LRRIQ3: variants seen among roughly 807,000 people sequenced by gnomAD.
LRRIQ3 encodes the protein leucine-rich repeat and IQ domain-containing protein 3.
In LRRIQ3, 75 loss-of-function variants were observed where a neutral mutation model predicts 59.3. That is an observed-to-expected ratio of 1.26 (90% CI 1.05 to 1.53). The LOEUF (loss-of-function observed/expected upper bound fraction) is 1.53, where lower values mean the gene tolerates loss of function less well. Ranked by LOEUF, LRRIQ3 falls within the 40% of genes most tolerant of loss-of-function variation. The probability of loss-of-function intolerance (pLI) is 0.00; values close to 1 mark genes in which losing one functional copy is unlikely to be tolerated. For synonymous variants in LRRIQ3, 250 were observed against 231.3 expected (o/e 1.08, Z -0.73); for missense variants, 831 against 710.0 (o/e 1.17, Z -1.94).
chr1:74,177,516 A>C (rs1448202334), intron 3 of LRRIQ3, among the ~76,000 whole-genome samples: 1 of 152,166 alleles, frequency 6.6e-6, no homozygotes, highest in Admixed American at 6.6e-5. Flanking sequence ...CAGGAAAATG[A>C]AGAATTTACC....
chr1:74,180,817 A>G (rs1474349795), intron 3 of LRRIQ3: 1 of 1,547,508 alleles, frequency 6.5e-7, no homozygotes, highest in Non-Finnish European at 8.7e-7. Flanking sequence ...GGAAACAATG[A>G]GGAATAAATA....
intron 5 of LRRIQ3, among the ~76,000 whole-genome samples, chr1:74,087,697 C>T (rs533658363): frequency 2.9e-4 from 44 of 152,090 alleles, no homozygotes; most frequent in East Asian, 5.8e-4. Flanking sequence ...TACCTATCTA[C>T]GGACCTTTAA....
intron 6 of LRRIQ3, among the ~76,000 whole-genome samples, chr1:74,064,500 G>T (rs1412431085): frequency 9.2e-5 from 14 of 151,922 alleles, no homozygotes; most frequent in African/African-American, 3.4e-4. Flanking sequence ...ACCTTTATTA[G>T]CACTCTGTTT....
At chr1:74,067,842 T>C (rs771867367) in intron 6 of LRRIQ3, among the ~76,000 whole-genome samples, 4 of 152,248 alleles carry the variant, frequency 2.6e-5, no homozygotes, top group Non-Finnish European at 5.9e-5. Context: ...TACTATTTGT[T>C]ATTTAGAAGC....
intron 1 of LRRIQ3, among the ~76,000 whole-genome samples, chr1:74,185,398 G>A (rs995190417): frequency 6.6e-6 from 1 of 152,080 alleles, no homozygotes; most frequent in Non-Finnish European, 1.5e-5. Flanking sequence ...AATATATGAT[G>A]TTGAGCATCT....
At chr1:74,067,628 C>A (rs12068778) in intron 6 of LRRIQ3, among the ~76,000 whole-genome samples, 1 of 151,984 alleles carries the variant, frequency 6.6e-6, no homozygotes, top group Admixed American at 6.6e-5. Flanking sequence ...AGTAAAAATT[C>A]TTTTGGAGTC....
At chr1:74,030,808 A>G (rs1485917136) in intron 7 of LRRIQ3, among the ~76,000 whole-genome samples, 1 of 152,198 alleles carries the variant, frequency 6.6e-6, no homozygotes, top group Non-Finnish European at 1.5e-5. Context: ...AGAAACTACC[A>G]TCAGAATGAA....
intron 7 of LRRIQ3, among the ~76,000 whole-genome samples, chr1:74,038,178 A>C (rs1390412487): frequency 6.6e-6 from 1 of 152,112 alleles, no homozygotes. Flanking sequence ...ACAGCCCAAC[A>C]CACCGGCTGT....
intron 1 of LRRIQ3, among the ~76,000 whole-genome samples, chr1:74,192,028 T>C (rs1401515420): frequency 4.6e-5 from 7 of 152,206 alleles, no homozygotes; most frequent in Admixed American, 4.6e-4. Context: ...TAAAGATCTA[T>C]AGTCTCTATA....
Position 74,031,194 on chromosome 1 carries a change from G to C in LRRIQ3, c.1719-4225C>G, listed in dbSNP as rs549869201. On this transcript the variant is annotated intron_variant, in intron 7 of 7. Coordinates refer to ENST00000354431, the MANE Select transcript of LRRIQ3 (RefSeq NM_001105659.2). ...GTAGACTAGTTCCACCATTGTGGAA[G>C]ACAGTGTGGCAATTCCTCAGGGATC... Among the ~76,000 whole-genome samples the C allele has an allele frequency of 7.2e-5, 11 of 152,278 alleles. 1 individual carries two copies. In the South Asian group the frequency reaches 2.1e-3, roughly 29 times the overall value.
At chr1:74,030,095 A>C (rs1653652978) in intron 7 of LRRIQ3, among the ~76,000 whole-genome samples, 1 of 152,132 alleles carries the variant, frequency 6.6e-6, no homozygotes, top group South Asian at 2.1e-4. Context: ...GGAGAACTAC[A>C]AACCACTGCT....
intron 5 of LRRIQ3, among the ~76,000 whole-genome samples, chr1:74,092,892 T>C (rs904893294): frequency 6.6e-6 from 1 of 151,964 alleles, no homozygotes; most frequent in Non-Finnish European, 1.5e-5. Context: ...AAGATGAGAT[T>C]AAGAATTTTG....
intron 6 of LRRIQ3, among the ~76,000 whole-genome samples, chr1:74,042,940 G>GCCGC (rs934134077): frequency 2.0e-5 from 3 of 152,014 alleles, no homozygotes; most frequent in African/African-American, 4.8e-5. Context: ...TAAGATAGAA[G>GCCGC]CTGCCTGCCT....
chr1:74,183,381 A>C, intron 2 of LRRIQ3, 55 bp downstream of exon 2: 1 of 1,451,172 alleles, frequency 6.9e-7, no homozygotes, highest in Non-Finnish European at 9.2e-7. Context: ...ATAAGTACTT[A>C]TTATAAGACT....
intron 5 of LRRIQ3, among the ~76,000 whole-genome samples, chr1:74,075,431 G>A (rs9793268): frequency 6.6e-6 from 1 of 152,054 alleles, no homozygotes; most frequent in Non-Finnish European, 1.5e-5. Context: ...GCCAGGTGTG[G>A]TGGTGCATGC....
At chr1:74,029,102 A>G (rs927807207) in intron 7 of LRRIQ3, among the ~76,000 whole-genome samples, 1 of 152,142 alleles carries the variant, frequency 6.6e-6, no homozygotes, top group Non-Finnish European at 1.5e-5. Flanking sequence ...TATCAGCTTA[A>G]GGAGATTTTG....
intron 6 of LRRIQ3, among the ~76,000 whole-genome samples, chr1:74,068,378 T>C (rs1177446707): frequency 1.3e-5 from 2 of 151,984 alleles, no homozygotes; most frequent in Non-Finnish European, 2.9e-5. Flanking sequence ...AGCAGGGAAA[T>C]AGAACAATTC....
At chr1:74,153,037 A>G (rs962770650) in intron 4 of LRRIQ3, among the ~76,000 whole-genome samples, 4 of 152,156 alleles carry the variant, frequency 2.6e-5, no homozygotes, top group African/African-American at 9.7e-5. Context: ...TAATGTACCT[A>G]ACATGGTGCT....
intron 4 of LRRIQ3, among the ~76,000 whole-genome samples, chr1:74,145,528 T>TA (rs537761517): frequency 0.069 from 485 of 6,984 alleles, 1 homozygote; most frequent in South Asian, 0.17. Context: ...TCTAATCTTC[T>TA]AAATTTTATG....
Sources: gnomAD v4.1 joint callset for allele counts (sites outside exome capture counted in the v4.1 genomes callset) on GRCh38, gnomAD v4.1.1 for gene constraint, MANE v1.5 for transcripts, NCBI Gene and HGNC (gene_info 2026-07-23, HGNC 2026-07-21) for gene names.